GNG2: variants seen among roughly 807,000 people sequenced by gnomAD.
The protein encoded by GNG2 is guanine nucleotide-binding protein G(I)/G(S)/G(O) subunit gamma-2.
GNG2 carries 5 observed loss-of-function variants against 5.5 expected under a neutral mutation model. The observed-to-expected ratio is 0.91, with a 90% CI of 0.48 to 1.92. The LOEUF is 1.92. Ranked by LOEUF, GNG2 falls within the 30% of genes most tolerant of loss-of-function variation. The pLI, the probability that GNG2 is intolerant of heterozygous loss-of-function variation, is 0.01. For synonymous variants in GNG2, 28 were observed against 32.0 expected, an observed-to-expected ratio of 0.88 and a Z score of 0.42; for missense variants, 55 against 88.4, an observed-to-expected ratio of 0.62 and a Z score of 1.52.
At chr14:51,837,176 T>G (rs984815351) in intron 2 of GNG2, among the ~76,000 whole-genome samples, 2 of 152,058 alleles carry the variant, frequency 1.3e-5, no homozygotes, top group African/African-American at 2.4e-5. Context: ...AACTTAACGT[T>G]GATGAAATAA....
At chr14:51,853,146 G>A (rs1213993483) in intron 2 of GNG2, among the ~76,000 whole-genome samples, 1 of 152,130 alleles carries the variant, frequency 6.6e-6, no homozygotes, top group African/African-American at 2.4e-5. Flanking sequence ...TTTTCAAAAT[G>A]GTCAGTAGTG....
intron 2 of GNG2, among the ~76,000 whole-genome samples, chr14:51,911,007 C>T (rs1278047384): frequency 2.6e-5 from 4 of 152,174 alleles, no homozygotes; most frequent in East Asian, 1.9e-4. Context: ...CTGCTACTCA[C>T]GTCAGTTTTG....
chr14:51,852,320 C>G (rs1274542244), intron 2 of GNG2, among the ~76,000 whole-genome samples: 2 of 152,174 alleles, frequency 1.3e-5, no homozygotes, highest in Non-Finnish European at 2.9e-5. Context: ...CTGGACCTTA[C>G]TTGTCATGTT....
At chr14:51,915,581 C>T (rs1355401842) in intron 2 of GNG2, among the ~76,000 whole-genome samples, 2 of 152,138 alleles carry the variant, frequency 1.3e-5, no homozygotes, top group East Asian at 1.9e-4. Flanking sequence ...CATCCGTTCT[C>T]TTTTATAAAG....
At chr14:51,939,467 C>G (rs1407331197) in intron 2 of GNG2, among the ~76,000 whole-genome samples, 2 of 152,176 alleles carry the variant, frequency 1.3e-5, no homozygotes, top group African/African-American at 4.8e-5. Context: ...AGAGAGCTGT[C>G]ATTTCAAATG....
At chr14:51,867,350 C>T (rs1031039139) in intron 1 of GNG2, among the ~76,000 whole-genome samples, 1 of 152,174 alleles carries the variant, frequency 6.6e-6, no homozygotes, top group South Asian at 2.1e-4. Flanking sequence ...GAACATCCAA[C>T]CCACAGAAAA....
At position 51,926,240 on chromosome 14, in the gene GNG2, A is replaced by G. The variant is rs535996573; in HGVS notation, c.-29-24410A>G. ...TCAGTTTGACTTTATGTTTGCTTCT[A>G]ACACCAAGCTTCACCAAGGCACATT... On this transcript the variant is annotated intron_variant, in intron 2 of 3. Coordinates refer to ENST00000556766, the MANE Select transcript of GNG2 (RefSeq NM_053064.5). 4.9e-3 allele frequency among the ~76,000 whole-genome samples: 743 copies of G among 152,262 alleles called. 4 individuals are homozygous for G. Among genetic ancestry groups the G allele is most frequent in the African/African-American group, 0.017 (691 of 41,556 alleles).
intron 1 of GNG2, among the ~76,000 whole-genome samples, chr14:51,867,450 A>C (rs1413345161): frequency 6.6e-6 from 1 of 152,114 alleles, no homozygotes; most frequent in Non-Finnish European, 1.5e-5. Context: ...TGTTAATGAC[A>C]CCCCATTTAT....
At chr14:51,884,707 C>T (rs890717228) in intron 2 of GNG2, among the ~76,000 whole-genome samples, 1 of 152,176 alleles carries the variant, frequency 6.6e-6, no homozygotes, top group African/African-American at 2.4e-5. Flanking sequence ...GCAGTAGAAA[C>T]AAGTTAAGGT....
rs556603540 is a variant in GNG2, at chr14:51,924,519, C to T, written c.-29-26131C>T. Among the ~76,000 whole-genome samples, 9 of 152,254 alleles carry T rather than the reference C, an allele frequency of 5.9e-5. No homozygotes were observed. In the South Asian group the frequency reaches 1.9e-3, roughly 32 times the overall value. ...TTTGCTATTTGAAGGTATAATACAG[C>T]AGGTCAGAGGCAAGAAGGAAGAGGA... is the stretch of plus-strand genomic sequence containing the variant. On this transcript the variant is annotated intron_variant, in intron 2 of 3. Transcript: ENST00000556766.
At chr14:51,845,218 A>G (rs1881589604) in intron 2 of GNG2, among the ~76,000 whole-genome samples, 1 of 152,262 alleles carries the variant, frequency 6.6e-6, no homozygotes, top group Admixed American at 6.5e-5. Flanking sequence ...TCATAAATAA[A>G]GGCTGGTGCA....
At chr14:51,957,401 C>G (rs1164096841) in intron 3 of GNG2, among the ~76,000 whole-genome samples, 2 of 152,174 alleles carry the variant, frequency 1.3e-5, no homozygotes, top group Non-Finnish European at 2.9e-5. Flanking sequence ...TCCACCATCT[C>G]TAATTTCTCT....
At chr14:51,931,869 A>G (rs1887675921) in intron 2 of GNG2, among the ~76,000 whole-genome samples, 1 of 152,144 alleles carries the variant, frequency 6.6e-6, no homozygotes, top group Non-Finnish European at 1.5e-5. Flanking sequence ...TCTCAAAGAG[A>G]TAGTTGTATA....
At chr14:51,855,795 C>CAGAG (rs139891029), upstream of GNG2, among the ~76,000 whole-genome samples, 521 of 149,716 alleles carry the variant, frequency 3.5e-3, 5 homozygotes, top group African/African-American at 0.012. Flanking sequence ...TGATAGGAAA[C>CAGAG]AGAGAGAGAG....
chr14:51,958,706 T>C (rs7147405), intron 3 of GNG2, among the ~76,000 whole-genome samples: 54,986 of 151,984 alleles, frequency 0.36, 10,354 homozygotes, highest in Non-Finnish European at 0.39. Context: ...GTTCCTATAC[T>C]CCTTACCAGG....
At chr14:51,856,937 C>T (rs1040616724), upstream of GNG2, among the ~76,000 whole-genome samples, 1 of 152,108 alleles carries the variant, frequency 6.6e-6, no homozygotes, top group South Asian at 2.1e-4. Context: ...TTATTTCTTA[C>T]CCCATGACCA....
At chr14:51,863,817 G>A (rs1390009198) in intron 1 of GNG2, among the ~76,000 whole-genome samples, 1 of 152,168 alleles carries the variant, frequency 6.6e-6, no homozygotes, top group African/African-American at 2.4e-5. Context: ...TTAGCATAAT[G>A]TCTTTAAGAT....
At chr14:51,920,188 C>T (rs1472666048) in intron 2 of GNG2, among the ~76,000 whole-genome samples, 4 of 152,110 alleles carry the variant, frequency 2.6e-5, no homozygotes, top group South Asian at 2.1e-4. Flanking sequence ...CTGGAACTAA[C>T]GCAGGACTGA....
At chr14:51,841,537 A>G in intron 2 of GNG2, 2 of 702,238 alleles carry the variant, frequency 2.8e-6, no homozygotes, top group Non-Finnish European at 5.2e-6. Context: ...AAAGTCACAC[A>G]GCTAATTAAG....
Sources: gnomAD v4.1 joint callset for allele counts (sites outside exome capture counted in the v4.1 genomes callset) on GRCh38, gnomAD v4.1.1 for gene constraint, MANE v1.5 for transcripts, NCBI Gene and HGNC (gene_info 2026-07-23, HGNC 2026-07-21) for gene names.